MYRIP: variants seen among roughly 807,000 people sequenced by gnomAD.
MYRIP encodes rab effector MyRIP.
A neutral mutation model predicts 98.0 loss-of-function variants in MYRIP; 49 were observed. The observed-to-expected ratio is 0.50, with a 90% CI of 0.40 to 0.63. The LOEUF is 0.63. Among genes scored for constraint, MYRIP ranks in the 30% least tolerant of loss-of-function variants. MYRIP has a pLI of 0.00. For synonymous variants in MYRIP, 404 were observed against 409.5 expected (o/e 0.99, Z 0.16); for missense variants, 1,004 against 1,058.2 (o/e 0.95, Z 0.71).
Position 40,258,247 on chromosome 3 carries a change from G to GT in MYRIP, c.*82dup. 1 of 1,542,668 alleles carries GT rather than the reference G, an allele frequency of 6.5e-7. No homozygotes were observed. The highest frequency in any genetic ancestry group is 9.0e-7 in the Non-Finnish European group (1 of 1,115,832). On this transcript the variant is annotated 3_prime_UTR_variant, in exon 17 of 17. Coordinates refer to ENST00000302541, the MANE Select transcript of MYRIP (RefSeq NM_015460.4). ...CTTGACCCAACAGCCATCGAGTACT[G>GT]TATGTATTTCCACCTGAGGAGAAGG...
At chr3:40,183,713 A>G (rs1441101884) in intron 9 of MYRIP, among the ~76,000 whole-genome samples, 1 of 152,228 alleles carries the variant, frequency 6.6e-6, no homozygotes, top group Non-Finnish European at 1.5e-5. Context: ...TTGTCTTCAC[A>G]TGAAGAAAGC....
intron 1 of MYRIP, among the ~76,000 whole-genome samples, chr3:39,880,105 G>T (rs948967465): frequency 9.2e-5 from 14 of 151,588 alleles, no homozygotes; most frequent in Non-Finnish European, 1.5e-4. Context: ...TGTGCACAAC[G>T]TGCAGGTTTG....
chr3:39,917,235 G>C (rs1245751597), intron 2 of MYRIP, among the ~76,000 whole-genome samples: 2 of 151,652 alleles, frequency 1.3e-5, no homozygotes. Flanking sequence ...TAAAGATACA[G>C]CCACTTAGTC....
chr3:39,966,970 A>ACAG (rs1945457285), intron 2 of MYRIP, among the ~76,000 whole-genome samples: 1 of 152,216 alleles, frequency 6.6e-6, no homozygotes, highest in South Asian at 2.1e-4. Context: ...CTCACATTAT[A>ACAG]CAGCAGCTCC....
chr3:40,196,831 A>G (rs10510707), intron 10 of MYRIP, among the ~76,000 whole-genome samples: 4,671 of 152,178 alleles, frequency 0.031, 90 homozygotes, highest in African/African-American at 0.057. Flanking sequence ...AGTTTTCTTA[A>G]TTCCTATCTT....
chr3:40,167,908 T>C (rs1950531231), intron 7 of MYRIP, among the ~76,000 whole-genome samples: 1 of 152,180 alleles, frequency 6.6e-6, no homozygotes, highest in Non-Finnish European at 1.5e-5. Flanking sequence ...TTCCATGCTC[T>C]CTCTGTGAAC....
intron 3 of MYRIP, among the ~76,000 whole-genome samples, chr3:40,138,924 A>G (rs1424114972): frequency 6.6e-6 from 1 of 152,164 alleles, no homozygotes; most frequent in East Asian, 1.9e-4. Context: ...TATTCCTTCT[A>G]TCTAGCTGTA....
chr3:40,224,895 G>A (rs923987756), intron 11 of MYRIP, among the ~76,000 whole-genome samples: 2 of 152,138 alleles, frequency 1.3e-5, no homozygotes, highest in African/African-American at 4.8e-5. Context: ...CACTCTTCAG[G>A]GACATGAGTC....
chr3:39,949,851 G>A (rs545716355), intron 2 of MYRIP, among the ~76,000 whole-genome samples: 10 of 152,184 alleles, frequency 6.6e-5, no homozygotes, highest in African/African-American at 2.2e-4. Context: ...TCTATCTCCT[G>A]TCTTGGGTTC....
intron 2 of MYRIP, among the ~76,000 whole-genome samples, chr3:39,902,587 GTCAA>G (rs935276732): frequency 1.3e-5 from 2 of 152,180 alleles, no homozygotes; most frequent in Admixed American, 1.3e-4. Context: ...TAGATTGATT[GTCAA>G]TCCATATGAC....
rs1953332579 is a variant in MYRIP, at chr3:40,250,278, A to T, written c.2319A>T (p.Ala773=). 6.2e-7 allele frequency: 1 copy of T among 1,614,026 alleles called. No homozygotes were observed. The highest frequency in any genetic ancestry group is 2.2e-5 in the East Asian group (1 of 44,894). The part of the protein sequence containing the change: ...SALTIAGLNI[A]PCVRFTRRRD... The stretch of plus-strand genomic sequence containing the variant: ...TGACCATTGCAGGATTAAACATAGC[A>T]CCATGTGTGCGCTTCACAAGAAGAC... Residue 773 remains alanine (A), a synonymous_variant, in exon 14 of 17, where the codon GCA becomes GCT. Coordinates refer to ENST00000302541, the MANE Select transcript of MYRIP (RefSeq NM_015460.4).
chr3:40,129,046 GTTCT>G (rs1337656030), intron 3 of MYRIP, among the ~76,000 whole-genome samples: 1 of 151,894 alleles, frequency 6.6e-6, no homozygotes, highest in Non-Finnish European at 1.5e-5. Flanking sequence ...ACCCAGTTCA[GTTCT>G]TTTTCCTTAA....
chr3:39,837,845 T>C (rs1480161492), intron 1 of MYRIP, among the ~76,000 whole-genome samples: 1 of 152,374 alleles, frequency 6.6e-6, no homozygotes, highest in East Asian at 1.9e-4. Flanking sequence ...TTCTTATCCA[T>C]GAGCATGGAA....
chr3:40,225,660 C>G (rs1952466366), intron 11 of MYRIP, among the ~76,000 whole-genome samples: 1 of 152,162 alleles, frequency 6.6e-6, no homozygotes, highest in East Asian at 1.9e-4. Context: ...AAAATATCAA[C>G]CATGTCAGGT....
chr3:40,234,090 G>A (rs1952748906), intron 12 of MYRIP, 37 bp downstream of exon 12: 9 of 1,550,762 alleles, frequency 5.8e-6, no homozygotes, highest in Non-Finnish European at 7.8e-6. Context: ...TAGGGTGAAT[G>A]TATGTGAAGA....
intron 1 of MYRIP, among the ~76,000 whole-genome samples, chr3:39,815,022 A>G (rs1211006552): frequency 6.6e-6 from 1 of 152,230 alleles, no homozygotes; most frequent in Middle Eastern, 3.2e-3. Context: ...TAAGTCACAT[A>G]CTATACAATT....
At chr3:39,966,641 G>T (rs575115428) in intron 2 of MYRIP, among the ~76,000 whole-genome samples, 125 of 152,290 alleles carry the variant, frequency 8.2e-4, no homozygotes, top group Non-Finnish European at 1.5e-3. Context: ...GCAGGGGGTG[G>T]GTAGGGAACG....
At chr3:39,991,615 T>G (rs2125772266) in intron 2 of MYRIP, among the ~76,000 whole-genome samples, 1 of 152,310 alleles carries the variant, frequency 6.6e-6, no homozygotes, top group South Asian at 2.1e-4. Flanking sequence ...AGCTTCTCTC[T>G]CCATAACCTT....
intron 12 of MYRIP, among the ~76,000 whole-genome samples, chr3:40,235,790 G>A (rs1473279301): frequency 6.6e-6 from 1 of 152,140 alleles, no homozygotes; most frequent in Non-Finnish European, 1.5e-5. Context: ...GGGAAAGGAG[G>A]TGAGATCTAC....
Sources: gnomAD v4.1 joint callset for allele counts (sites outside exome capture counted in the v4.1 genomes callset) on GRCh38, gnomAD v4.1.1 for gene constraint, MANE v1.5 for transcripts, NCBI Gene and HGNC (gene_info 2026-07-23, HGNC 2026-07-21) for gene names.